Variants in DISC1 observed in about 807,000 individuals in gnomAD.
The protein encoded by DISC1 is DISC1 scaffold protein.
DISC1 carries 57 observed loss-of-function variants against 84.5 expected under a neutral mutation model. The ratio of observed to expected loss-of-function variants is 0.67; its 90% CI spans 0.55 to 0.84. The LOEUF (loss-of-function observed/expected upper bound fraction) is 0.84. DISC1 is among the 40% of genes least tolerant of loss of function. The probability of loss-of-function intolerance (pLI) is 0.00; values close to 1 mark genes in which losing one functional copy is unlikely to be tolerated. For missense variants in DISC1, 1,000 were observed against 1,057.8 expected, an observed-to-expected ratio of 0.95 and a Z score of 0.76; for synonymous variants, 411 against 415.2, an observed-to-expected ratio of 0.99 and a Z score of 0.12.
intron 1 of DISC1, among the ~76,000 whole-genome samples, chr1:231,665,315 T>G (rs12060020): frequency 0.031 from 4,684 of 152,252 alleles, 239 homozygotes; most frequent in African/African-American, 0.11. Context: ...ACATTTTTTT[T>G]TGTGTTTGGA....
intron 9 of DISC1, among the ~76,000 whole-genome samples, chr1:231,872,286 G>GA (rs967212040): frequency 2.0e-4 from 30 of 151,516 alleles, no homozygotes; most frequent in African/African-American, 7.0e-4. Context: ...TCTTAGTAAT[G>GA]AAAAAAAATG....
At chr1:231,719,606 A>G (rs1448170589) in intron 3 of DISC1, among the ~76,000 whole-genome samples, 1 of 152,242 alleles carries the variant, frequency 6.6e-6, no homozygotes, top group Non-Finnish European at 1.5e-5. Context: ...GAGATGGTGC[A>G]TGCTAAATAT....
At chr1:231,669,614 T>C (rs2062381378) in intron 1 of DISC1, among the ~76,000 whole-genome samples, 1 of 152,048 alleles carries the variant, frequency 6.6e-6, no homozygotes, top group African/African-American at 2.4e-5. Context: ...ACAACAATCA[T>C]ATGAAAAAAG....
intron 10 of DISC1, among the ~76,000 whole-genome samples, chr1:231,973,165 G>A (rs900746477): frequency 4.0e-5 from 6 of 151,520 alleles, no homozygotes; most frequent in Non-Finnish European, 8.8e-5. Flanking sequence ...TCCTGCCTCA[G>A]ACTCCTGAGT....
rs1271413028 is a variant in DISC1 at position 231,819,103 on chromosome 1, C to T, written c.1981+586C>T. 1.8e-5 allele frequency: 18 copies of T among 985,998 alleles called. No individual in the cohort carries two copies. The Admixed American group carries it at 8.0e-4, about 44-fold the overall frequency. The allele number at this position is 985,998 out of a possible 1,614,324, so 61.1% of individuals were successfully genotyped here. ...AACTGAGCTTACTCTGAGATTTGCA[C>T]CCAGAGGGATGGTCTCAGAAGACGC... On this transcript the variant is annotated intron_variant, in intron 9 of 12. Transcript: ENST00000439617.
chr1:231,925,665 G>A lies in DISC1; in HGVS notation c.1982-33163G>A, dbSNP rs543789179. Reference sequence around the variant, plus strand: ...ATCTTTGCAGATTTATGGATCTTGAGATAAGATCATCCTTGATTTAGGATG... The same window carrying A: ...ATCTTTGCAGATTTATGGATCTTGAAATAAGATCATCCTTGATTTAGGATG... On this transcript the variant is annotated intron_variant, in intron 9 of 12. Transcript: ENST00000439617. Among the ~76,000 whole-genome samples the A allele has an allele frequency of 3.0e-4, 45 of 152,354 alleles. No individual in the cohort carries two copies. In the South Asian group the frequency reaches 7.7e-3, roughly 26 times the overall value.
At chr1:231,927,588 C>T (rs1449441563) in intron 9 of DISC1, among the ~76,000 whole-genome samples, 1 of 152,206 alleles carries the variant, frequency 6.6e-6, no homozygotes, top group Admixed American at 6.5e-5. Flanking sequence ...ATTCCCTGCT[C>T]CTGGGTTGCC....
intron 8 of DISC1, among the ~76,000 whole-genome samples, chr1:231,802,009 G>A (rs891452213): frequency 6.6e-6 from 1 of 151,818 alleles, no homozygotes; most frequent in Admixed American, 6.6e-5. Flanking sequence ...TAGTAGAGAC[G>A]GGGTTTCACT....
At chr1:231,777,156 G>A (rs2077019961) in intron 6 of DISC1, among the ~76,000 whole-genome samples, 1 of 152,168 alleles carries the variant, frequency 6.6e-6, no homozygotes, top group Admixed American at 6.5e-5. Context: ...ACATCATCTG[G>A]AGAAAGAGGA....
chr1:231,930,231 A>T (rs1440806102), intron 9 of DISC1, among the ~76,000 whole-genome samples: 1 of 152,214 alleles, frequency 6.6e-6, no homozygotes, highest in Non-Finnish European at 1.5e-5. Context: ...TGCGTTGTGC[A>T]GATGAGAGAT....
intron 10 of DISC1, chr1:231,959,489 A>G: frequency 1.0e-6 from 1 of 985,544 alleles, no homozygotes; most frequent in Non-Finnish European, 1.2e-6. Flanking sequence ...CAAGTACTAG[A>G]GTGGAATATG....
chr1:231,999,493 G>A (rs761068421), intron 10 of DISC1, among the ~76,000 whole-genome samples: 85 of 152,164 alleles, frequency 5.6e-4, no homozygotes, highest in Non-Finnish European at 2.2e-4. Flanking sequence ...TTCCCTCCTG[G>A]CCTCCAACTC....
At chr1:231,976,879 C>A (rs535397870) in intron 10 of DISC1, among the ~76,000 whole-genome samples, 2 of 152,238 alleles carry the variant, frequency 1.3e-5, no homozygotes, top group South Asian at 2.1e-4. Context: ...CAATAACTAA[C>A]CTTCATCAAG....
intron 9 of DISC1, among the ~76,000 whole-genome samples, chr1:231,863,217 GTTCTTTTTTTTTTT>G (rs2084800577): frequency 1.5e-5 from 1 of 64,608 alleles, no homozygotes; most frequent in Non-Finnish European, 3.1e-5. Flanking sequence ...TTTATAAAAT[GTTCTTTTTTTTTTT>G]TTTTTTTTTT....
chr1:231,733,369 TAGTG>T (rs2071884492), intron 3 of DISC1, among the ~76,000 whole-genome samples: 1 of 122,838 alleles, frequency 8.1e-6, no homozygotes, highest in Admixed American at 7.5e-5. Context: ...GTGGTAGTGG[TAGTG>T]AGTGGTGGTG....
chr1:231,949,435 A>G (rs372916985), intron 9 of DISC1, among the ~76,000 whole-genome samples: 1 of 152,156 alleles, frequency 6.6e-6, no homozygotes, highest in Non-Finnish European at 1.5e-5. Flanking sequence ...ATGGAACTTT[A>G]TAGCCAACAA....
Position 231,689,821 on chromosome 1 carries a change from A to G in DISC1, c.68-4005A>G, listed in dbSNP as rs549313832. Among the ~76,000 whole-genome samples, 276 of 152,332 alleles carry G rather than the reference A, an allele frequency of 1.8e-3. 3 individuals carry two copies. The highest frequency in any genetic ancestry group is 6.3e-3 in the African/African-American group (261 of 41,566). On this transcript the variant is annotated intron_variant, in intron 1 of 12. Transcript: ENST00000439617. ...TGGAAACAATTCATATCCACCACAG[A>G]AAATAATTAACAGTGCTGGGTGTTA...
At position 231,907,131 on chromosome 1, in the gene DISC1, C is replaced by CTTCCTCTT. The variant is rs1334782802; in HGVS notation, c.1982-51696_1982-51695insTCCTCTTT. 2.7e-4 allele frequency among the ~76,000 whole-genome samples: 25 copies of CTTCCTCTT among 93,202 alleles called. 1 individual carries two copies. The highest frequency in any genetic ancestry group is 1.0e-3 in the African/African-American group (21 of 20,842). The allele number at this position is 93,202 out of a possible 152,430, so 61.1% of individuals were successfully genotyped here. A position where few individuals can be genotyped will look rare whatever the true frequency, so the allele number is the denominator to read the frequency against. ...CTCTCCTTCCTTCCTTCCTTCCTTCCTCTTTCTTTCTTTCTTTCTTTCTTT... is the reference window on the plus strand; with the variant it reads ...CTCTCCTTCCTTCCTTCCTTCCTTCCTTCCTCTTTCTTTCTTTCTTTCTTTCTTTCTTT... On this transcript the variant is annotated intron_variant, in intron 9 of 12. Transcript: ENST00000439617.
At position 231,643,773 on chromosome 1, in the gene DISC1, C is replaced by T. The variant is rs150151181; in HGVS notation, c.67+16839C>T. ...TCATGTAAGATGAGAGATAAAAGGG[C>T]TTAGCAAACGGTAGCATATTACAGG... On this transcript the variant is annotated intron_variant, in intron 1 of 12. Transcript: ENST00000439617. Among the ~76,000 whole-genome samples the T allele has an allele frequency of 4.3e-3, 649 of 152,226 alleles. 2 individuals are homozygous for T. The highest frequency in any genetic ancestry group is 0.015 in the African/African-American group (616 of 41,522).
Sources: allele counts gnomAD v4.1 joint callset (sites outside exome capture counted in the v4.1 genomes callset), GRCh38; gene constraint gnomAD v4.1.1; transcripts MANE v1.5; gene names NCBI Gene and HGNC (gene_info 2026-07-23, HGNC 2026-07-21).